FAM78B: variants seen among roughly 807,000 people sequenced by gnomAD.
FAM78B encodes family with sequence similarity 78 member B, also known as protein FAM78B.
In FAM78B, 10 loss-of-function variants were observed where a neutral mutation model predicts 20.0. The observed-to-expected ratio is 0.50, with a 90% CI of 0.31 to 0.85. FAM78B has a LOEUF of 0.85. FAM78B is among the 40% of genes least tolerant of loss of function. The pLI, the probability that FAM78B is intolerant of heterozygous loss-of-function variation, is 0.05. For missense variants in FAM78B, 283 were observed against 345.0 expected (o/e 0.82, Z 1.42); for synonymous variants, 135 against 132.8 (o/e 1.02, Z -0.12).
downstream of FAM78B, among the ~76,000 whole-genome samples, chr1:166,069,225 G>T (rs111343101): frequency 6.6e-6 from 1 of 151,722 alleles, no homozygotes; most frequent in South Asian, 2.1e-4. Flanking sequence ...GTGCATGTGT[G>T]CATGTGTGTG....
At chr1:166,109,329 C>T (rs576793586) in intron 1 of FAM78B, among the ~76,000 whole-genome samples, 6 of 151,868 alleles carry the variant, frequency 4.0e-5, no homozygotes, top group Non-Finnish European at 7.4e-5. Flanking sequence ...ACAAACAATC[C>T]AATCAAAAAG....
At chr1:166,081,986 G>A (rs987573801) in intron 1 of FAM78B, among the ~76,000 whole-genome samples, 4 of 152,158 alleles carry the variant, frequency 2.6e-5, no homozygotes, top group African/African-American at 7.2e-5. Flanking sequence ...CCCCATGGCC[G>A]CCACCCTTCT....
At chr1:166,064,754 C>T (rs2101944123), downstream of FAM78B, among the ~76,000 whole-genome samples, 2 of 152,332 alleles carry the variant, frequency 1.3e-5, no homozygotes, top group Middle Eastern at 6.8e-3. Context: ...ACTCAAGTCA[C>T]AATATCTTAC....
At chr1:166,147,127 A>G (rs1224784571) in intron 1 of FAM78B, among the ~76,000 whole-genome samples, 1 of 152,186 alleles carries the variant, frequency 6.6e-6, no homozygotes, top group African/African-American at 2.4e-5. Flanking sequence ...GTGGTCAGGA[A>G]AGAACAAAGT....
chr1:166,099,392 A>T (rs1198563279), intron 1 of FAM78B, among the ~76,000 whole-genome samples: 1 of 152,242 alleles, frequency 6.6e-6, no homozygotes, highest in African/African-American at 2.4e-5. Flanking sequence ...AACAAAGAGC[A>T]TGATGAATGC....
At chr1:166,096,912 G>A (rs1020613162) in intron 1 of FAM78B, among the ~76,000 whole-genome samples, 6 of 152,262 alleles carry the variant, frequency 3.9e-5, no homozygotes, top group Admixed American at 6.5e-5. Context: ...AGCGGGCGGC[G>A]GCTCACACTG....
Position 166,166,243 on chromosome 1 carries a change from G to A in FAM78B, c.6C>T (p.Gly2=). M[G]CIQSITCKAR... The stretch of plus-strand genomic sequence containing the variant: ...CCTTGCAGGTGATGCTTTGGATACA[G>A]CCCATCCTGCAGCCCGGTGCCGGCA... The change falls in exon 1 of 2, where the codon GGC becomes GGT. Residue 2 remains glycine (G), a synonymous_variant. Coordinates refer to ENST00000354422, the MANE Select transcript of FAM78B (RefSeq NM_001017961.5). 2.7e-6 allele frequency: 4 copies of A among 1,480,968 alleles called. No homozygotes were observed. Among genetic ancestry groups the A allele is most frequent in the Non-Finnish European group, 1.8e-6 (2 of 1,108,228 alleles). 91.7% of individuals were successfully genotyped at this position (1,480,968 alleles called of 1,614,324 possible). A position where few individuals can be genotyped will look rare whatever the true frequency, so the allele number is the denominator to read the frequency against.
At chr1:166,071,932 G>A (rs6426964) in intron 1 of FAM78B, among the ~76,000 whole-genome samples, 33,114 of 152,054 alleles carry the variant, frequency 0.22, 3,914 homozygotes, top group East Asian at 0.46. Context: ...CTGGACCCCA[G>A]TAAGGGCAGA....
downstream of FAM78B, among the ~76,000 whole-genome samples, chr1:166,064,371 G>C (rs931543417): frequency 5.3e-5 from 8 of 152,104 alleles, no homozygotes; most frequent in African/African-American, 1.9e-4. Flanking sequence ...TCTTGTCTGA[G>C]ACCATAACAG....
chr1:166,127,185 C>T (rs1557909940), intron 1 of FAM78B, among the ~76,000 whole-genome samples: 1 of 152,190 alleles, frequency 6.6e-6, no homozygotes, highest in Non-Finnish European at 1.5e-5. Flanking sequence ...TATGCATGTC[C>T]AAGGGCTTTG....
chr1:166,148,811 AG>A (rs1655570655), intron 1 of FAM78B, among the ~76,000 whole-genome samples: 1 of 152,222 alleles, frequency 6.6e-6, no homozygotes, highest in African/African-American at 2.4e-5. Context: ...CCCACCACAG[AG>A]TGGGTTCCTC....
chr1:166,154,195 G>C (rs529568394), intron 1 of FAM78B, among the ~76,000 whole-genome samples: 1 of 152,194 alleles, frequency 6.6e-6, no homozygotes, highest in Non-Finnish European at 1.5e-5. Context: ...TTCTTCTAGA[G>C]CTGCCAGGGG....
At chr1:166,148,464 C>G (rs1441080628) in intron 1 of FAM78B, among the ~76,000 whole-genome samples, 1 of 152,182 alleles carries the variant, frequency 6.6e-6, no homozygotes, top group African/African-American at 2.4e-5. Flanking sequence ...CTTACATGGT[C>G]TTTCATGAGC....
intron 1 of FAM78B, among the ~76,000 whole-genome samples, chr1:166,102,022 T>C (rs1489063049): frequency 6.6e-6 from 1 of 152,150 alleles, no homozygotes; most frequent in Non-Finnish European, 1.5e-5. Flanking sequence ...CGGCAGAAAC[T>C]CTACAAGCCA....
chr1:166,138,980 T>C (rs576640352), intron 1 of FAM78B, among the ~76,000 whole-genome samples: 14 of 152,378 alleles, frequency 9.2e-5, no homozygotes, highest in African/African-American at 3.4e-4. Context: ...ACAGTTGTCA[T>C]GTTCCCTGAG....
rs943698722 is a variant in FAM78B, at chr1:166,119,445, A to G, written c.263+46541T>C. 2.6e-5 allele frequency among the ~76,000 whole-genome samples: 4 copies of G among 152,214 alleles called. No individual in the cohort carries two copies. In the South Asian group the frequency reaches 8.3e-4, roughly 32 times the overall value. On this transcript the variant is annotated intron_variant, in intron 1 of 1. Transcript: ENST00000354422. Reference sequence around the variant, plus strand: ...GCCCTATCTACCCACAATCACATTTAAAGAACAAACAGCCAATCTGAGGCC... The same window carrying G: ...GCCCTATCTACCCACAATCACATTTGAAGAACAAACAGCCAATCTGAGGCC...
intron 1 of FAM78B, among the ~76,000 whole-genome samples, chr1:166,095,395 G>C (rs1384792631): frequency 6.6e-6 from 1 of 152,196 alleles, no homozygotes; most frequent in Non-Finnish European, 1.5e-5. Context: ...GGAGGGTAGA[G>C]TGGTCAGTAC....
downstream of FAM78B, among the ~76,000 whole-genome samples, chr1:166,056,455 C>T (rs1449842628): frequency 6.6e-6 from 1 of 152,124 alleles, no homozygotes; most frequent in Non-Finnish European, 1.5e-5. Flanking sequence ...GTCTTCAGTC[C>T]TGTCAACCTC....
chr1:166,157,716 G>A (rs564294617), intron 1 of FAM78B, among the ~76,000 whole-genome samples: 1 of 152,208 alleles, frequency 6.6e-6, no homozygotes, highest in African/African-American at 2.4e-5. Context: ...TGCCCGGAGA[G>A]TTTGAGGGAT....
Sources: gnomAD v4.1 joint callset for allele counts (sites outside exome capture counted in the v4.1 genomes callset) on GRCh38, gnomAD v4.1.1 for gene constraint, MANE v1.5 for transcripts, NCBI Gene and HGNC (gene_info 2026-07-23, HGNC 2026-07-21) for gene names.